Variants in PCDHA6 observed in about 807,000 individuals in gnomAD.
The protein encoded by PCDHA6 is protocadherin alpha 6, also known as protocadherin alpha-6.
PCDHA6 carries 55 observed loss-of-function variants against 60.3 expected under a neutral mutation model. The ratio of observed to expected loss-of-function variants is 0.91; its 90% CI spans 0.73 to 1.14. The LOEUF (loss-of-function observed/expected upper bound fraction) is 1.14. Among genes scored for constraint, PCDHA6 ranks in the 50% most tolerant of loss-of-function variants. PCDHA6 has a pLI of 0.00. For missense variants in PCDHA6, 1,327 were observed against 1,256.5 expected, an observed-to-expected ratio of 1.06 and a Z score of -0.85; for synonymous variants, 652 against 557.9, an observed-to-expected ratio of 1.17 and a Z score of -2.38.
Position 140,828,295 on chromosome 5 carries a change from C to G in PCDHA6, c.204C>G (p.Ser68=). The G allele has an allele frequency of 6.2e-7, 1 of 1,614,124 alleles. No individual in the cohort carries two copies. The highest frequency in any genetic ancestry group is 8.5e-7 in the Non-Finnish European group (1 of 1,180,038). ...ELVPRLFRMA[S]KDREDLLEVN... The stretch of plus-strand genomic sequence containing the variant: ...TGCCGCGCCTGTTCAGGATGGCCTC[C>G]AAAGACCGCGAGGACCTTCTGGAGG... The change falls in exon 1 of 4, where the codon TCC becomes TCG. Residue 68 remains serine (S), a synonymous_variant. Transcript: ENST00000529310.
intron 1 of PCDHA6, among the ~76,000 whole-genome samples, chr5:140,910,738 C>G (rs2075147470): frequency 6.6e-6 from 1 of 152,098 alleles, no homozygotes; most frequent in Non-Finnish European, 1.5e-5. Context: ...GCTAACCAAG[C>G]ACATAAATTA....
intron 3 of PCDHA6, among the ~76,000 whole-genome samples, chr5:141,000,339 ATC>A (rs1414297743): frequency 2.0e-5 from 2 of 102,334 alleles, no homozygotes; most frequent in Admixed American, 1.0e-4. Context: ...GCAAGGCCCT[ATC>A]TCTCTCTCTG....
Position 140,892,397 on chromosome 5 carries a change from T to C in PCDHA6, c.2394+61912T>C, listed in dbSNP as rs554853881. On this transcript the variant is annotated intron_variant, in intron 1 of 3. Coordinates refer to ENST00000529310, the MANE Select transcript of PCDHA6 (RefSeq NM_018909.4). ...GCAATCATGGGTAATCTTAATCTAT[T>C]TCAAGCTTCAGGTATTCTAGATAAA... is the stretch of plus-strand genomic sequence containing the variant. Among the ~76,000 whole-genome samples the C allele has an allele frequency of 2.0e-5, 3 of 152,326 alleles. No homozygotes were observed. The South Asian group carries it at 6.2e-4, about 32-fold the overall frequency.
At chr5:140,883,615 C>A in intron 1 of PCDHA6, 2 of 1,613,938 alleles carry the variant, frequency 1.2e-6, no homozygotes, top group East Asian at 2.2e-5. Flanking sequence ...CCGACGTGAA[C>A]GACAACGCGC....
intron 3 of PCDHA6, among the ~76,000 whole-genome samples, chr5:140,995,652 C>T (rs1018975214): frequency 2.0e-5 from 3 of 151,828 alleles, no homozygotes; most frequent in East Asian, 1.9e-4. Context: ...AAAGGAGAAT[C>T]GAAAAGGGAA....
rs561284006 is a variant in PCDHA6, at chr5:140,905,585, T to G, written c.2395-73364T>G. 2.0e-5 allele frequency among the ~76,000 whole-genome samples: 3 copies of G among 152,306 alleles called. No individual in the cohort carries two copies. The East Asian group carries it at 5.8e-4, about 29-fold the overall frequency. On this transcript the variant is annotated intron_variant, in intron 1 of 3. Coordinates refer to ENST00000529310, the MANE Select transcript of PCDHA6 (RefSeq NM_018909.4). ...AGTCATGTGAAGAATGATAATGATATTTTGCTGGGAATTGCATTGAATCTA... is the reference window on the plus strand; with the variant it reads ...AGTCATGTGAAGAATGATAATGATAGTTTGCTGGGAATTGCATTGAATCTA...
At chr5:140,929,051 G>A (rs1398009156) in intron 1 of PCDHA6, 2 of 1,614,170 alleles carry the variant, frequency 1.2e-6, no homozygotes, top group South Asian at 1.1e-5. Flanking sequence ...AGCTGCTGTC[G>A]CTCTACAGAG....
At chr5:140,844,381 T>C (rs1554140633) in intron 1 of PCDHA6, among the ~76,000 whole-genome samples, 1 of 149,612 alleles carries the variant, frequency 6.7e-6, no homozygotes, top group African/African-American at 2.4e-5. Flanking sequence ...TTCTTTTAAT[T>C]CATTATTTAG....
At position 140,875,233 on chromosome 5, in the gene PCDHA6, G is replaced by A. The variant is rs1379502066; in HGVS notation, c.2394+44748G>A. Reference sequence around the variant, plus strand: ...CGAAAAGAACCTCAGGATCTTTCTTGTACTTACATAATCAGTCACATGATG... The same window carrying A: ...CGAAAAGAACCTCAGGATCTTTCTTATACTTACATAATCAGTCACATGATG... On this transcript the variant is annotated intron_variant, in intron 1 of 3. Coordinates refer to ENST00000529310, the MANE Select transcript of PCDHA6 (RefSeq NM_018909.4). The A allele has an allele frequency of 3.5e-6, 3 of 863,762 alleles. No individual in the cohort carries two copies. The African/African-American group carries it at 5.1e-5, about 15-fold the overall frequency. The allele number at this position is 863,762 out of a possible 1,614,324, so 53.5% of individuals were successfully genotyped here. A position where few individuals can be genotyped will look rare whatever the true frequency, so the allele number is the denominator to read the frequency against.
intron 1 of PCDHA6, among the ~76,000 whole-genome samples, chr5:140,932,539 AT>A (rs782246299): frequency 3.3e-5 from 5 of 152,008 alleles, no homozygotes; most frequent in Admixed American, 2.0e-4. Context: ...AAGGTGCTTT[AT>A]TTAACATACA....
chr5:140,850,425 C>T (rs2150483747), intron 1 of PCDHA6: 2 of 1,597,932 alleles, frequency 1.3e-6, no homozygotes, highest in Non-Finnish European at 8.6e-7. Context: ...GGACGCACCG[C>T]GCCAGCGCCT....
intron 1 of PCDHA6, chr5:140,842,143 T>C: frequency 6.2e-7 from 1 of 1,613,830 alleles, no homozygotes; most frequent in Non-Finnish European, 8.5e-7. Flanking sequence ...AAGGAGCCAA[T>C]GGGGCAATTT....
At chr5:140,881,244 C>T (rs1219638908) in intron 1 of PCDHA6, 9 of 397,012 alleles carry the variant, frequency 2.3e-5, no homozygotes, top group Non-Finnish European at 3.1e-5. Context: ...ATTTAAATGA[C>T]GGCAAGGTTT....
intron 1 of PCDHA6, chr5:140,926,897 T>C: frequency 1.3e-6 from 2 of 1,548,696 alleles, no homozygotes; most frequent in Non-Finnish European, 1.7e-6. Context: ...GGGAGGATGG[T>C]GGGCTGTGGG....
intron 1 of PCDHA6, among the ~76,000 whole-genome samples, chr5:140,889,267 A>T (rs1376262292): frequency 6.6e-6 from 1 of 151,966 alleles, no homozygotes; most frequent in Non-Finnish European, 1.5e-5. Context: ...AAGTTTGTAT[A>T]ATCTTTGAAT....
Position 140,982,566 on chromosome 5 carries a change from A to G in PCDHA6, c.2542+3A>G, listed in dbSNP as rs372784858. On this transcript the variant is annotated splice_donor_region_variant and intron_variant, in intron 3 of 3. Transcript: ENST00000529310. ...AACAGTATCCAGTGCAACACCAGGT[A>G]AAGAGCTGGGGTCTCTCCATTCTTT... 8 of 1,613,970 alleles carry G rather than the reference A, an allele frequency of 5.0e-6. No individual in the cohort carries two copies. The highest frequency in any genetic ancestry group is 6.8e-6 in the Non-Finnish European group (8 of 1,179,958).
intron 1 of PCDHA6, chr5:140,968,325 C>T (rs148804197): frequency 1.2e-6 from 2 of 1,613,988 alleles, no homozygotes; most frequent in African/African-American, 2.7e-5. Context: ...CCAGTCACCT[C>T]CTATGTCTCC....
At chr5:140,955,163 TTTGG>T (rs1445630947) in intron 1 of PCDHA6, among the ~76,000 whole-genome samples, 2 of 152,184 alleles carry the variant, frequency 1.3e-5, no homozygotes, top group Admixed American at 6.5e-5. Flanking sequence ...ACCGTGCTGT[TTTGG>T]TTACTGTAGT....
chr5:140,829,774 C>T lies in PCDHA6; in HGVS notation c.1683C>T (p.Asn561=), dbSNP rs1293917446. The T allele has an allele frequency of 1.1e-5, 18 of 1,613,672 alleles. No individual in the cohort carries two copies. The highest frequency in any genetic ancestry group is 2.2e-5 in the East Asian group (1 of 44,870). The change falls in exon 1 of 4, where the codon AAC becomes AAT. Residue 561 remains asparagine, a synonymous_variant. Coordinates refer to ENST00000529310, the MANE Select transcript of PCDHA6 (RefSeq NM_018909.4). ...LQVFVLDEND[N]APALLAPRVG... ...TGTTCGTGCTGGACGAGAACGACAA[C>T]GCGCCGGCGCTGCTGGCGCCTCGGG...
Sources: gnomAD v4.1 joint callset for allele counts (sites outside exome capture counted in the v4.1 genomes callset) on GRCh38, gnomAD v4.1.1 for gene constraint, MANE v1.5 for transcripts, NCBI Gene and HGNC (gene_info 2026-07-23, HGNC 2026-07-21) for gene names.